Variants in NFATC1 observed in about 807,000 individuals in gnomAD.
NFATC1 encodes nuclear factor of activated T cells 1.
NFATC1 carries 22 observed loss-of-function variants against 76.0 expected under a neutral mutation model. That is an observed-to-expected ratio of 0.29 (90% CI 0.21 to 0.41). NFATC1 has a LOEUF of 0.41. Ranked by LOEUF, NFATC1 falls within the 10% of genes least tolerant of loss-of-function variation. The probability of loss-of-function intolerance (pLI) is 1.00; values close to 1 mark genes in which losing one functional copy is unlikely to be tolerated. For missense variants in NFATC1, 1,357 were observed against 1,337.7 expected, an observed-to-expected ratio of 1.01 and a Z score of -0.23; for synonymous variants, 704 against 613.1, an observed-to-expected ratio of 1.15 and a Z score of -2.19.
intron 1 of NFATC1, among the ~76,000 whole-genome samples, chr18:79,396,603 G>A (rs1187565039): frequency 6.6e-6 from 1 of 152,204 alleles, no homozygotes; most frequent in African/African-American, 2.4e-5. Flanking sequence ...GCGAGGCGAG[G>A]CCGCCGCGGG....
In NFATC1 at chr18:79,486,766, G is replaced by T. The variant is rs749214445; in HGVS notation, c.2611G>T (p.Ala871Ser). The part of the protein sequence containing the change: ...LQPCSPACPP[A>S]TGRPQHLPST... Reference sequence around the variant, plus strand: ...GCCCTGCAGCCCAGCGTGCCCGCCCGCCACGGGCCGCCCGCAGCACCTGCC... The same window carrying T: ...GCCCTGCAGCCCAGCGTGCCCGCCCTCCACGGGCCGCCCGCAGCACCTGCC... The change falls in exon 9 of 10, where the codon GCC becomes TCC. Residue 871 changes from alanine (A) to serine (S), a missense_variant. By Grantham distance (99) the Ala-to-Ser change is moderately conservative. This residue lies in a region of NFATC1 where 424 missense variants were observed against 395.4 expected (regional missense o/e 1.07). Transcript: ENST00000427363. 2 of 1,606,232 alleles carry T rather than the reference G, an allele frequency of 1.2e-6. No individual in the cohort carries two copies. Among genetic ancestry groups the T allele is most frequent in the Non-Finnish European group, 1.7e-6 (2 of 1,177,490 alleles).
chr18:79,522,252 ATGTG>A (rs2090623559), intron 9 of NFATC1, among the ~76,000 whole-genome samples: 1 of 110,994 alleles, frequency 9.0e-6, no homozygotes, highest in African/African-American at 3.6e-5. Context: ...GCATCTGCTG[ATGTG>A]TGTGTTTTGT....
At chr18:79,511,802 C>T (rs528132409) in intron 9 of NFATC1, among the ~76,000 whole-genome samples, 22 of 152,268 alleles carry the variant, frequency 1.4e-4, no homozygotes, top group African/African-American at 5.3e-4. Flanking sequence ...TGCTGAAGCT[C>T]AGGACGTGCA....
chr18:79,433,775 C>T (rs1287068297), intron 3 of NFATC1, 37 bp downstream of exon 3: 2 of 1,586,546 alleles, frequency 1.3e-6, no homozygotes, highest in Non-Finnish European at 1.7e-6. Context: ...TCACTTGGTG[C>T]TTTTGTGGTC....
intron 3 of NFATC1, among the ~76,000 whole-genome samples, chr18:79,441,372 C>G (rs778223184): frequency 1.3e-5 from 2 of 152,176 alleles, no homozygotes; most frequent in Non-Finnish European, 2.9e-5. Context: ...GCGGGCAGCG[C>G]TCCTGGGCCT....
chr18:79,400,507 G>A (rs1428550906), intron 1 of NFATC1: 13 of 1,397,438 alleles, frequency 9.3e-6, no homozygotes, highest in Middle Eastern at 2.0e-4. Flanking sequence ...GGCGCGGGGG[G>A]CGCGGGGCCA....
chr18:79,488,260 G>C (rs1341742120), intron 9 of NFATC1, among the ~76,000 whole-genome samples: 9 of 128,024 alleles, frequency 7.0e-5, no homozygotes, highest in Non-Finnish European at 1.2e-4. Flanking sequence ...GTGTGTGTGT[G>C]TTTGCGGTAG....
Position 79,478,538 on chromosome 18 carries a change from G to A in NFATC1, c.2093-7710G>A, listed in dbSNP as rs185720088. Among the ~76,000 whole-genome samples, 134 of 152,310 alleles carry A rather than the reference G, an allele frequency of 8.8e-4. 1 individual carries two copies. The highest frequency in any genetic ancestry group is 1.5e-3 in the Non-Finnish European group (101 of 68,020). On this transcript the variant is annotated intron_variant, in intron 8 of 9. Coordinates refer to ENST00000427363, the MANE Select transcript of NFATC1 (RefSeq NM_001278669.2). ...GGTGGGTGAAGCCCACTCATGTCCTGGCTCCTGTTACCGGGTAGGGATGGC... is the reference window on the plus strand; with the variant it reads ...GGTGGGTGAAGCCCACTCATGTCCTAGCTCCTGTTACCGGGTAGGGATGGC...
intron 2 of NFATC1, among the ~76,000 whole-genome samples, chr18:79,414,394 G>A (rs1471534220): frequency 6.6e-6 from 1 of 152,194 alleles, no homozygotes; most frequent in Non-Finnish European, 1.5e-5. Context: ...GCTTTCTGGT[G>A]GAAAGTGTGC....
intron 9 of NFATC1, among the ~76,000 whole-genome samples, chr18:79,507,086 G>GCTGATGGAGCAGGAC (rs567020461): frequency 9.8e-5 from 15 of 152,360 alleles, no homozygotes; most frequent in African/African-American, 3.6e-4. Flanking sequence ...CCGAAACGGA[G>GCTGATGGAGCAGGAC]CTGATGGAGC....
In NFATC1 at chr18:79,467,475, C is replaced by T; in HGVS notation, c.1985C>T (p.Pro662Leu). 6.2e-7 allele frequency: 1 copy of T among 1,608,482 alleles called. No homozygotes were observed. Among genetic ancestry groups the T allele is most frequent in the Non-Finnish European group, 8.5e-7 (1 of 1,176,106 alleles). The change falls in exon 8 of 10, where the codon CCA becomes CTA. Residue 662 changes from proline (P) to leucine (L), a missense_variant. Around this residue, in one of 3 missense-constraint regions of NFATC1, gnomAD observed 242 missense variants for 329.2 expected, o/e 0.74. Transcript: ENST00000427363. The part of the protein sequence containing the change: ...KPNSLVVEIP[P>L]FRNQRITSPV... ...AATTCTCTGGTGGTTGAGATCCCGC[C>T]ATTTCGGAATCAGAGGATAACCAGC... is the stretch of plus-strand genomic sequence containing the variant.
At chr18:79,430,034 C>T (rs929953183) in intron 2 of NFATC1, among the ~76,000 whole-genome samples, 1 of 152,210 alleles carries the variant, frequency 6.6e-6, no homozygotes. Flanking sequence ...ACTGGGGAGC[C>T]GTGGGCCACG....
intron 6 of NFATC1, among the ~76,000 whole-genome samples, chr18:79,455,750 G>GGCCGCCCCATCCCACA (rs2087681706): frequency 2.0e-4 from 2 of 9,914 alleles, no homozygotes; most frequent in Non-Finnish European, 4.8e-4. Context: ...CCCATCTCAC[G>GGCCGCCCCATCCCACA]GCCGCCCCAT....
intron 3 of NFATC1, among the ~76,000 whole-genome samples, chr18:79,438,488 C>A (rs1206743522): frequency 6.6e-6 from 1 of 152,236 alleles, no homozygotes; most frequent in Non-Finnish European, 1.5e-5. Context: ...GTCTGTTTAC[C>A]AAGTCACCAA....
rs2090813341 is a variant in NFATC1 at position 79,527,961 on chromosome 18, T to C, written c.*384T>C. The C allele has an allele frequency of 4.8e-6, 2 of 416,614 alleles. No homozygotes were observed. The highest frequency in any genetic ancestry group is 8.5e-6 in the Non-Finnish European group (2 of 235,800). 25.8% of individuals were successfully genotyped at this position (416,614 alleles called of 1,614,324 possible). ...ATTTAACCAGACCATCAGGGCATCATAGAATTGAGCATTGAATTTGCTACT... is the reference window on the plus strand; with the variant it reads ...ATTTAACCAGACCATCAGGGCATCACAGAATTGAGCATTGAATTTGCTACT... On this transcript the variant is annotated 3_prime_UTR_variant, in exon 10 of 10. Coordinates refer to ENST00000427363, the MANE Select transcript of NFATC1 (RefSeq NM_001278669.2).
chr18:79,448,802 T>A lies in NFATC1; in HGVS notation c.1407T>A (p.Asn469Lys). Reference sequence around the variant, plus strand: ...GCCAGCTGCATGGCTACTTGGAGAATGAGCCGCTGATGCTGCAGCTTTTCA... The same window carrying A: ...GCCAGCTGCATGGCTACTTGGAGAAAGAGCCGCTGATGCTGCAGCTTTTCA... ...PIVQLHGYLE[N>K]EPLMLQLFIG... Residue 469 changes from asparagine to lysine, a missense_variant, in exon 4 of 10, where the codon AAT becomes AAA. Physicochemically the swap from Asn to Lys is moderately conservative, Grantham distance 94. Around this residue, in one of 3 missense-constraint regions of NFATC1, gnomAD observed 242 missense variants for 329.2 expected, o/e 0.74. Coordinates refer to ENST00000427363, the MANE Select transcript of NFATC1 (RefSeq NM_001278669.2). The A allele has an allele frequency of 6.2e-7, 1 of 1,613,722 alleles. No homozygotes were observed. The highest frequency in any genetic ancestry group is 8.5e-7 in the Non-Finnish European group (1 of 1,179,924).
intron 2 of NFATC1, among the ~76,000 whole-genome samples, chr18:79,427,301 C>T (rs2086376012): frequency 6.6e-6 from 1 of 152,034 alleles, no homozygotes; most frequent in East Asian, 1.9e-4. Context: ...AGTATATGCC[C>T]AATTTGCCAG....
At position 79,528,207 on chromosome 18, in the gene NFATC1, C is replaced by T. The variant is rs2090818298; in HGVS notation, c.*630C>T. On this transcript the variant is annotated 3_prime_UTR_variant, in exon 10 of 10. Transcript: ENST00000427363. ...CTCAGCTCTTTTGTAACATGCTTCC[C>T]TTGTCTGCGCGGTTGAAACCGTAGG... 3 of 345,010 alleles carry T rather than the reference C, an allele frequency of 8.7e-6. No homozygotes were observed. The highest frequency in any genetic ancestry group is 1.0e-5 in the Non-Finnish European group (2 of 192,490). The allele number at this position is 345,010 out of a possible 1,614,324, so 21.4% of individuals were successfully genotyped here.
intron 8 of NFATC1, among the ~76,000 whole-genome samples, chr18:79,475,791 C>T (rs541513012): frequency 2.0e-5 from 3 of 152,372 alleles, no homozygotes; most frequent in South Asian, 4.1e-4. Context: ...CAAAACCACC[C>T]CCAGCAAGAC....
Sources: gnomAD v4.1 joint callset for allele counts (sites outside exome capture counted in the v4.1 genomes callset) on GRCh38, gnomAD v4.1.1 for gene constraint, gnomAD v4.1.1 regional missense constraint, MANE v1.5 for transcripts, NCBI Gene and HGNC (gene_info 2026-07-23, HGNC 2026-07-21) for gene names.